CSRP3: variants seen among roughly 807,000 people sequenced by gnomAD.
The protein encoded by CSRP3 is cysteine and glycine rich protein 3.
Under a neutral mutation model 24.3 loss-of-function variants are expected in CSRP3, and 24 were observed. That is an observed-to-expected ratio of 0.99 (90% confidence interval 0.71 to 1.39). The LOEUF (loss-of-function observed/expected upper bound fraction) is 1.39. Ranked by LOEUF, CSRP3 falls within the 40% of genes most tolerant of loss-of-function variation. The probability of loss-of-function intolerance (pLI) is 0.00; values close to 1 mark genes in which losing one functional copy is unlikely to be tolerated. For synonymous variants in CSRP3, 105 were observed against 94.0 expected, an observed-to-expected ratio of 1.12 and a Z score of -0.68; for missense variants, 240 against 249.0, an observed-to-expected ratio of 0.96 and a Z score of 0.24.
chr11:19,192,505 A>G, intron 1 of CSRP3, 29 bp from the exon 2 acceptor site: 2 of 1,384,576 alleles, frequency 1.4e-6, no homozygotes, highest in South Asian at 2.3e-5. Flanking sequence ...AATACCCTAC[A>G]TTGAAGTGGC....
At chr11:19,196,910 T>G (rs1342746308) in intron 1 of CSRP3, 1 of 152,204 alleles carries the variant, frequency 6.6e-6, no homozygotes, top group African/African-American at 2.4e-5. Flanking sequence ...ATTTGGATAC[T>G]CAGATCCCGG....
intron 1 of CSRP3, among the ~76,000 whole-genome samples, chr11:19,201,477 A>G (rs1474280459): frequency 1.3e-5 from 2 of 152,186 alleles, no homozygotes; most frequent in African/African-American, 4.8e-5. Flanking sequence ...GCAGTACTTT[A>G]CAGTTTGGAA....
intron 5 of CSRP3, among the ~76,000 whole-genome samples, chr11:19,184,623 T>C (rs1020177396): frequency 2.0e-5 from 3 of 152,230 alleles, no homozygotes; most frequent in African/African-American, 7.2e-5. Flanking sequence ...TTAGTTGTCC[T>C]GGCCTGAGGC....
At chr11:19,197,628 G>A (rs1850763653) in intron 1 of CSRP3, among the ~76,000 whole-genome samples, 1 of 147,296 alleles carries the variant, frequency 6.8e-6, no homozygotes, top group African/African-American at 2.5e-5. Flanking sequence ...GGCAAAAGTG[G>A]TGGGTACATA....
In CSRP3 at chr11:19,188,194, G is replaced by T. The variant is rs776862812; in HGVS notation, c.223C>A (p.Gln75Lys). ...RYGPKGIGYGQGAGCLSTDTG... is the reference protein window; with the variant it reads ...RYGPKGIGYGKGAGCLSTDTG... ...TCTGTGCTGAGACAGCCAGCGCCTT[G>T]TCCATACCCGATCCCTTTGGGGCCA... is the stretch of plus-strand genomic sequence containing the variant. The change falls in exon 3 of 6, where the codon CAA becomes AAA. Residue 75 changes from glutamine to lysine, a missense_variant. Coordinates refer to ENST00000265968, the MANE Select transcript of CSRP3 (RefSeq NM_003476.5). 2 of 1,613,936 alleles carry T rather than the reference G, an allele frequency of 1.2e-6. No homozygotes were observed. The highest frequency in any genetic ancestry group is 4.5e-5 in the East Asian group (2 of 44,876).
intron 1 of CSRP3, among the ~76,000 whole-genome samples, chr11:19,201,751 T>G (rs1850847790): frequency 6.6e-6 from 1 of 152,198 alleles, no homozygotes; most frequent in Non-Finnish European, 1.5e-5. Context: ...CCCCTAAATA[T>G]TAACCATCCT....
intron 5 of CSRP3, among the ~76,000 whole-genome samples, chr11:19,184,465 A>C (rs1850491473): frequency 6.6e-6 from 1 of 152,242 alleles, no homozygotes; most frequent in South Asian, 2.1e-4. Flanking sequence ...CATCGACAAC[A>C]GAACTGTTAG....
chr11:19,189,018 A>G (rs1163955936), intron 2 of CSRP3, among the ~76,000 whole-genome samples: 3 of 152,252 alleles, frequency 2.0e-5, no homozygotes, highest in South Asian at 2.1e-4. Context: ...ACTTTTAAAG[A>G]TATAAATAAA....
At chr11:19,197,078 G>A (rs1321516829) in intron 1 of CSRP3, among the ~76,000 whole-genome samples, 1 of 152,166 alleles carries the variant, frequency 6.6e-6, no homozygotes, top group African/African-American at 2.4e-5. Context: ...GAAGCTGTGT[G>A]ATCTGGGAAA....
intron 2 of CSRP3, among the ~76,000 whole-genome samples, chr11:19,190,334 A>G (rs1850594580): frequency 6.6e-6 from 1 of 152,276 alleles, no homozygotes; most frequent in Non-Finnish European, 1.5e-5. Context: ...TGCTGTGGCC[A>G]CAGCCACATG....
At chr11:19,194,252 A>G (rs930669028) in intron 1 of CSRP3, among the ~76,000 whole-genome samples, 1 of 152,234 alleles carries the variant, frequency 6.6e-6, no homozygotes, top group Non-Finnish European at 1.5e-5. Flanking sequence ...GAATGTTTCT[A>G]TCTAAATATT....
chr11:19,187,478 T>C (rs527791776), intron 3 of CSRP3, among the ~76,000 whole-genome samples: 1 of 152,340 alleles, frequency 6.6e-6, no homozygotes, highest in East Asian at 1.9e-4. Flanking sequence ...CATCAGACTT[T>C]CCTCAATTCT....
intron 1 of CSRP3, among the ~76,000 whole-genome samples, chr11:19,199,196 T>C (rs1850795285): frequency 6.6e-6 from 1 of 151,736 alleles, no homozygotes; most frequent in South Asian, 2.1e-4. Context: ...AGGGGCCCTG[T>C]AGTCTGGGGA....
intron 2 of CSRP3, among the ~76,000 whole-genome samples, chr11:19,191,502 C>T (rs1258420872): frequency 6.6e-6 from 1 of 152,104 alleles, no homozygotes; most frequent in Non-Finnish European, 1.5e-5. Flanking sequence ...AAACCAAGGC[C>T]AATTTTCTCC....
In CSRP3 at chr11:19,186,347, A is replaced by C. The variant is rs1190724900; in HGVS notation, c.283T>G (p.Ser95Ala). Reference protein sequence around the residue: ...GEHLGLQFQQSPKPARSVTTS... With the variant: ...GEHLGLQFQQAPKPARSVTTS... ...GTAACTGAGCGTGCCGGCTTTGGGG[A>C]CCTGTTGGAAATAGACGAATGAATG... is the stretch of plus-strand genomic sequence containing the variant. The change falls in exon 4 of 6, where the codon TCC (serine) becomes GCC (alanine). Residue 95 changes from serine to alanine, a missense_variant and splice_region_variant. Ser to Ala is a moderately conservative substitution (Grantham distance 99). Coordinates refer to ENST00000265968, the MANE Select transcript of CSRP3 (RefSeq NM_003476.5). 1.2e-6 allele frequency: 2 copies of C among 1,613,992 alleles called. No individual in the cohort carries two copies. The highest frequency in any genetic ancestry group is 1.7e-6 in the Non-Finnish European group (2 of 1,180,032).
At chr11:19,193,890 G>A (rs1014814103) in intron 1 of CSRP3, among the ~76,000 whole-genome samples, 1 of 152,212 alleles carries the variant, frequency 6.6e-6, no homozygotes, top group African/African-American at 2.4e-5. Context: ...ATGAATCCAA[G>A]TTTTCAGTTT....
In CSRP3 at chr11:19,190,741, G is replaced by C. The variant is rs191812245; in HGVS notation, c.112+1596C>G. Among the ~76,000 whole-genome samples the C allele has an allele frequency of 2.5e-3, 378 of 152,216 alleles. 2 individuals are homozygous for C. Among genetic ancestry groups the C allele is most frequent in the African/African-American group, 8.7e-3 (361 of 41,536 alleles). On this transcript the variant is annotated intron_variant, in intron 2 of 5. Coordinates refer to ENST00000265968, the MANE Select transcript of CSRP3 (RefSeq NM_003476.5). ...TTCCAGCAGCTACAGAGTTGCCTGCGGACAGACAGGTGATTATCTTGTGGT... is the reference window on the plus strand; with the variant it reads ...TTCCAGCAGCTACAGAGTTGCCTGCCGACAGACAGGTGATTATCTTGTGGT...
chr11:19,194,837 C>T (rs1437076544), intron 1 of CSRP3, among the ~76,000 whole-genome samples: 5 of 152,162 alleles, frequency 3.3e-5, no homozygotes, highest in African/African-American at 2.4e-5. Context: ...CATTCATTCA[C>T]CCTGCATTTA....
chr11:19,201,948 A>G lies in CSRP3; in HGVS notation c.-29+6T>C, dbSNP rs1225307885. On this transcript the variant is annotated splice_donor_region_variant and intron_variant, in intron 1 of 5. Coordinates refer to ENST00000265968, the MANE Select transcript of CSRP3 (RefSeq NM_003476.5). ...CCAGCTCAAATGTCTGCCTTGCTCC[A>G]CTCACCTGCCTGTGTGGACTCCGTT... The G allele has an allele frequency of 1.3e-5, 2 of 152,418 alleles. No individual in the cohort carries two copies. The highest frequency in any genetic ancestry group is 4.8e-5 in the African/African-American group (2 of 41,330). 9.4% of individuals were successfully genotyped at this position (152,418 alleles called of 1,614,324 possible). A position where few individuals can be genotyped will look rare whatever the true frequency, so the allele number is the denominator to read the frequency against.
Sources: gnomAD v4.1 joint callset for allele counts (sites outside exome capture counted in the v4.1 genomes callset) on GRCh38, gnomAD v4.1.1 for gene constraint, MANE v1.5 for transcripts, NCBI Gene and HGNC (gene_info 2026-07-23, HGNC 2026-07-21) for gene names.